GABRB1: variants seen among roughly 807,000 people sequenced by gnomAD.
The protein encoded by GABRB1 is gamma-aminobutyric acid type A receptor subunit beta1.
A neutral mutation model predicts 51.6 loss-of-function variants in GABRB1; 17 were observed. That is an observed-to-expected ratio of 0.33 (90% confidence interval 0.23 to 0.49). GABRB1 has a LOEUF of 0.49. Ranked by LOEUF, GABRB1 falls within the 20% of genes least tolerant of loss-of-function variation. The pLI is 0.99. For synonymous variants in GABRB1, 247 were observed against 218.9 expected, an observed-to-expected ratio of 1.13 and a Z score of -1.14; for missense variants, 410 against 600.6, an observed-to-expected ratio of 0.68 and a Z score of 3.32.
Position 47,403,543 on chromosome 4 carries a change from T to C in GABRB1, c.683-16T>C, listed in dbSNP as rs1307415714. ...AAATAATGGTCTGATTACTTGTCTTTTGTTTCTCAACTCAGGAGCGTATCC... is the reference window on the plus strand; with the variant it reads ...AAATAATGGTCTGATTACTTGTCTTCTGTTTCTCAACTCAGGAGCGTATCC... On this transcript the variant is annotated splice_polypyrimidine_tract_variant and intron_variant, in intron 6 of 8. Coordinates refer to ENST00000295454, the MANE Select transcript of GABRB1 (RefSeq NM_000812.4). 1.2e-6 allele frequency: 2 copies of C among 1,613,828 alleles called. No individual in the cohort carries two copies. Among genetic ancestry groups the C allele is most frequent in the East Asian group, 4.5e-5 (2 of 44,880 alleles).
chr4:47,373,639 C>A (rs188044315), intron 5 of GABRB1, among the ~76,000 whole-genome samples: 1 of 152,144 alleles, frequency 6.6e-6, no homozygotes, highest in Non-Finnish European at 1.5e-5. Flanking sequence ...AAGGACAATA[C>A]CAACTTTGTG....
At chr4:47,060,749 C>A (rs1163275893) in intron 3 of GABRB1, among the ~76,000 whole-genome samples, 1 of 151,992 alleles carries the variant, frequency 6.6e-6, no homozygotes, top group African/African-American at 2.4e-5. Flanking sequence ...GATTAATTTC[C>A]AGTATGAAAA....
intron 4 of GABRB1, among the ~76,000 whole-genome samples, chr4:47,283,921 G>C (rs533158585): frequency 9.2e-5 from 14 of 151,992 alleles, no homozygotes; most frequent in African/African-American, 3.4e-4. Flanking sequence ...GCTTCTCACA[G>C]TACTGAGCCA....
chr4:47,093,347 T>G (rs1463833812), intron 3 of GABRB1, among the ~76,000 whole-genome samples: 2 of 152,242 alleles, frequency 1.3e-5, no homozygotes, highest in East Asian at 3.8e-4. Context: ...TTTATTATAT[T>G]TTGCTATGGC....
intron 1 of GABRB1, among the ~76,000 whole-genome samples, chr4:46,995,647 A>G (rs1560489474): frequency 1.3e-5 from 2 of 152,154 alleles, no homozygotes; most frequent in Non-Finnish European, 2.9e-5. Context: ...GACAGATGTA[A>G]GCCACCGCCT....
intron 3 of GABRB1, among the ~76,000 whole-genome samples, chr4:47,159,088 G>A (rs1001374641): frequency 6.6e-6 from 1 of 150,464 alleles, no homozygotes; most frequent in South Asian, 2.1e-4. Context: ...ACCAGCCTGA[G>A]CAACAGAGAA....
At chr4:47,414,856 C>A (rs1297104237) in intron 8 of GABRB1, among the ~76,000 whole-genome samples, 2 of 152,122 alleles carry the variant, frequency 1.3e-5, no homozygotes, top group African/African-American at 2.4e-5. Flanking sequence ...GTCTTTAGGT[C>A]CAGCTTGAAA....
Position 47,356,813 on chromosome 4 carries a change from A to T in GABRB1, c.544+36604A>T, listed in dbSNP as rs1726596505. Among the ~76,000 whole-genome samples the T allele has an allele frequency of 2.0e-5, 3 of 152,320 alleles. No homozygotes were observed. In the South Asian group the frequency reaches 6.2e-4, roughly 32 times the overall value. Reference sequence around the variant, plus strand: ...GTTGCTCTGTGTATAAAAATCTGATAAAATCAGATTTTAAAAATATTATTT... The same window carrying T: ...GTTGCTCTGTGTATAAAAATCTGATTAAATCAGATTTTAAAAATATTATTT... On this transcript the variant is annotated intron_variant, in intron 5 of 8. Transcript: ENST00000295454.
chr4:47,200,553 C>T (rs1719860668), intron 4 of GABRB1, among the ~76,000 whole-genome samples: 1 of 152,006 alleles, frequency 6.6e-6, no homozygotes, highest in Non-Finnish European at 1.5e-5. Flanking sequence ...TACTAAAGCC[C>T]CAAAACCAAA....
intron 4 of GABRB1, among the ~76,000 whole-genome samples, chr4:47,296,176 G>C (rs1019638273): frequency 6.6e-5 from 10 of 152,100 alleles, no homozygotes; most frequent in African/African-American, 2.2e-4. Context: ...AAAGACCATC[G>C]AGGCTAGGAA....
chr4:47,151,984 T>C (rs1717480220), intron 3 of GABRB1, among the ~76,000 whole-genome samples: 1 of 152,040 alleles, frequency 6.6e-6, no homozygotes, highest in African/African-American at 2.4e-5. Flanking sequence ...ATTAATATTT[T>C]GTATAAAGTC....
intron 3 of GABRB1, among the ~76,000 whole-genome samples, chr4:47,076,017 CCT>C (rs1232472803): frequency 3.9e-5 from 6 of 152,160 alleles, no homozygotes; most frequent in African/African-American, 1.4e-4. Context: ...GATGAGGTTA[CCT>C]CATGTCCCTG....
chr4:47,002,392 AT>A (rs953208228), intron 1 of GABRB1, among the ~76,000 whole-genome samples: 6 of 151,914 alleles, frequency 3.9e-5, no homozygotes, highest in Non-Finnish European at 8.8e-5. Context: ...TATTTTAATC[AT>A]TTTTTTTACT....
intron 4 of GABRB1, among the ~76,000 whole-genome samples, chr4:47,273,044 A>G (rs934845531): frequency 6.6e-6 from 1 of 152,166 alleles, no homozygotes; most frequent in Non-Finnish European, 1.5e-5. Context: ...CCAAGTATCC[A>G]TAATTTAGAT....
chr4:47,378,789 G>GTTT (rs34196493), intron 5 of GABRB1, among the ~76,000 whole-genome samples: 1 of 150,022 alleles, frequency 6.7e-6, no homozygotes, highest in African/African-American at 2.4e-5. Flanking sequence ...CCCGGCCGGA[G>GTTT]TTTTTTTTTT....
chr4:47,119,744 G>T (rs1306126439), intron 3 of GABRB1, among the ~76,000 whole-genome samples: 2 of 151,990 alleles, frequency 1.3e-5, no homozygotes, highest in Non-Finnish European at 2.9e-5. Flanking sequence ...CCCAACCTCA[G>T]GTGATCTGCC....
rs751931636 is a variant in GABRB1, at chr4:47,425,839, C to G, written c.1246C>G (p.Arg416Gly). 10 of 1,613,922 alleles carry G rather than the reference C, an allele frequency of 6.2e-6. No individual in the cohort carries two copies. The highest frequency in any genetic ancestry group is 8.5e-6 in the Non-Finnish European group (10 of 1,180,010). ...KPLSSREAYG[R>G]ALDRHGVPSK... ...CCTGAGCAGCCGCGAGGCCTACGGGCGCGCCCTGGACCGGCACGGGGTACC... is the reference window on the plus strand; with the variant it reads ...CCTGAGCAGCCGCGAGGCCTACGGGGGCGCCCTGGACCGGCACGGGGTACC... Residue 416 changes from arginine (R) to glycine (G), a missense_variant, in exon 9 of 9, where the codon CGC becomes GGC. Transcript: ENST00000295454.
At chr4:47,232,429 T>C (rs1721171944) in intron 4 of GABRB1, among the ~76,000 whole-genome samples, 1 of 152,222 alleles carries the variant, frequency 6.6e-6, no homozygotes, top group African/African-American at 2.4e-5. Context: ...CTGACAATCC[T>C]TCAAATGTTA....
intron 4 of GABRB1, among the ~76,000 whole-genome samples, chr4:47,178,970 CT>C (rs1718823046): frequency 1.3e-5 from 2 of 152,046 alleles, no homozygotes; most frequent in South Asian, 2.1e-4. Flanking sequence ...ATGGGCCATA[CT>C]TTTTTTATAC....
Sources: allele counts gnomAD v4.1 joint callset (sites outside exome capture counted in the v4.1 genomes callset), GRCh38; gene constraint gnomAD v4.1.1; transcripts MANE v1.5; gene names NCBI Gene and HGNC (gene_info 2026-07-23, HGNC 2026-07-21).